The following TRIP11 variants were observed in gnomAD, a reference collection of about 807,000 sequenced individuals.
The protein encoded by TRIP11 is thyroid hormone receptor interactor 11, also known as thyroid receptor-interacting protein 11.
In TRIP11, 148 loss-of-function variants were observed where a neutral mutation model predicts 223.1. That is an observed-to-expected ratio of 0.66 (90% CI 0.58 to 0.76). The LOEUF (loss-of-function observed/expected upper bound fraction) is 0.76. Ranked by LOEUF, TRIP11 falls within the 30% of genes least tolerant of loss-of-function variation. TRIP11 has a pLI of 0.00. For missense variants in TRIP11, 2,043 were observed against 2,222.0 expected, an observed-to-expected ratio of 0.92 and a Z score of 1.62; for synonymous variants, 762 against 772.6, an observed-to-expected ratio of 0.99 and a Z score of 0.23.
chr14:92,023,917 G>A (rs1004247491), intron 3 of TRIP11, among the ~76,000 whole-genome samples: 2 of 150,890 alleles, frequency 1.3e-5, no homozygotes, highest in South Asian at 2.1e-4. Context: ...ATGCAGTGGC[G>A]TGATCTCAGC....
chr14:91,999,148 G>A, intron 13 of TRIP11, 92 bp downstream of exon 13: 2 of 1,350,848 alleles, frequency 1.5e-6, no homozygotes, highest in East Asian at 4.8e-5. Context: ...AATGAATTTT[G>A]CAAGGATGAG....
Position 91,969,889 on chromosome 14 carries a change from T to G in TRIP11, c.5724A>C (p.Thr1908=). 1.2e-6 allele frequency: 2 copies of G among 1,613,636 alleles called. No individual in the cohort carries two copies. The highest frequency in any genetic ancestry group is 1.7e-6 in the Non-Finnish European group (2 of 1,179,774). Residue 1908 remains threonine, a synonymous_variant, in exon 21 of 21, where the codon ACA becomes ACC. Coordinates refer to ENST00000267622, the MANE Select transcript of TRIP11 (RefSeq NM_004239.4). The part of the protein sequence containing the change: ...DTNAPESFKD[T]AESRSGRRTD... ...TTCTTCTACCAGACCTGGATTCTGC[T>G]GTATCTAAAGAATAAAATATGGATT...
chr14:92,026,438 GA>G (rs35375545), intron 2 of TRIP11: 2 of 641,522 alleles, frequency 3.1e-6, no homozygotes, highest in Non-Finnish European at 2.8e-6. Context: ...TGGCTGCTCT[GA>G]AAAGCCATCT....
intron 11 of TRIP11, among the ~76,000 whole-genome samples, chr14:92,001,964 CAAGACTCT>C (rs2056832736): frequency 6.6e-6 from 1 of 152,154 alleles, no homozygotes; most frequent in African/African-American, 2.4e-5. Context: ...AACTTTAATC[CAAGACTCT>C]AAGAGGGAAC....
At chr14:92,013,030 T>A (rs930459711) in intron 7 of TRIP11, among the ~76,000 whole-genome samples, 9 of 152,188 alleles carry the variant, frequency 5.9e-5, no homozygotes, top group East Asian at 1.9e-4. Flanking sequence ...GCACTTTGGG[T>A]GGCCAAGGTG....
At chr14:91,999,587 T>A (rs1422495232) in intron 12 of TRIP11, among the ~76,000 whole-genome samples, 154 bp from the exon 13 acceptor site, 1 of 152,238 alleles carries the variant, frequency 6.6e-6, no homozygotes, top group Non-Finnish European at 1.5e-5. Context: ...AAAAATTATC[T>A]TGAAATCATC....
In TRIP11 at chr14:91,987,402, C is replaced by T. The variant is rs547209625; in HGVS notation, c.5260+882G>A. On this transcript the variant is annotated intron_variant, in intron 16 of 20. Transcript: ENST00000267622. ...GTCTCCATGCGTCAGTGGTTCCTGC[C>T]GGCTTGCCTCCCTAGTGTCTAAGTC... 7.9e-4 allele frequency among the ~76,000 whole-genome samples: 121 copies of T among 152,224 alleles called. 1 individual carries two copies. The highest frequency in any genetic ancestry group is 3.4e-3 in the Middle Eastern group (1 of 294).
chr14:92,000,892 G>C (rs2056817287), intron 11 of TRIP11, among the ~76,000 whole-genome samples: 1 of 141,092 alleles, frequency 7.1e-6, no homozygotes, highest in South Asian at 2.2e-4. Context: ...ACGGAGTCTT[G>C]CTCTGTTGCC....
chr14:92,019,949 A>T (rs2057088655), intron 4 of TRIP11, among the ~76,000 whole-genome samples: 1 of 152,226 alleles, frequency 6.6e-6, no homozygotes, highest in Non-Finnish European at 1.5e-5. Context: ...TCCTCAAGAT[A>T]TCTCATTATG....
intron 14 of TRIP11, among the ~76,000 whole-genome samples, chr14:91,994,852 C>T (rs1032528459): frequency 4.6e-5 from 7 of 152,146 alleles, no homozygotes; most frequent in African/African-American, 1.7e-4. Flanking sequence ...AAAGCACCTT[C>T]CATATGGACT....
chr14:92,038,967 T>C (rs1353353932), intron 1 of TRIP11, among the ~76,000 whole-genome samples: 1 of 152,148 alleles, frequency 6.6e-6, no homozygotes, highest in Admixed American at 6.5e-5. Flanking sequence ...TGTCGAAATA[T>C]GGGCGAAATG....
At position 91,972,979 on chromosome 14, in the gene TRIP11, A is replaced by AT. The variant is rs200221534; in HGVS notation, c.5575-119dup. 955 of 867,478 alleles carry AT rather than the reference A, an allele frequency of 1.1e-3. 6 individuals carry two copies. The East Asian group carries it at 0.012, about 11-fold the overall frequency. The allele number at this position is 867,478 out of a possible 1,614,324, so 53.7% of individuals were successfully genotyped here. A position where few individuals can be genotyped will look rare whatever the true frequency, so the allele number is the denominator to read the frequency against. ...AAAAATTAATCATGCCACTTGAATAATTTTTTTTTACAAATCAGCTTTATG... is the reference window on the plus strand; with the variant it reads ...AAAAATTAATCATGCCACTTGAATAATTTTTTTTTTACAAATCAGCTTTATG... On this transcript the variant is annotated intron_variant, in intron 19 of 20. Transcript: ENST00000267622.
At chr14:91,976,626 A>C (rs987555183) in intron 16 of TRIP11, among the ~76,000 whole-genome samples, 4 of 152,146 alleles carry the variant, frequency 2.6e-5, no homozygotes, top group African/African-American at 9.7e-5. Flanking sequence ...TGAGCTGACT[A>C]AGAAGCGTAT....
In TRIP11 at chr14:92,005,276, T is replaced by C. The variant is rs2056884090; in HGVS notation, c.2700A>G (p.Gln900=). ...SVTELASEVS[Q]LNTIKEHLEE... is the part of the protein sequence containing the mutation. The stretch of plus-strand genomic sequence containing the variant: ...CAAGATGTTCCTTGATCGTGTTCAG[T>C]TGAGATACCTCAGATGCTAGTTCAG... Residue 900 remains glutamine (Q), a synonymous_variant, in exon 11 of 21, where the codon CAA becomes CAG. Coordinates refer to ENST00000267622, the MANE Select transcript of TRIP11 (RefSeq NM_004239.4). 3.1e-6 allele frequency: 5 copies of C among 1,614,128 alleles called. No homozygotes were observed. The highest frequency in any genetic ancestry group is 1.7e-5 in the Admixed American group (1 of 60,014).
intron 13 of TRIP11, among the ~76,000 whole-genome samples, chr14:91,997,744 G>A (rs528382853): frequency 6.6e-6 from 1 of 152,100 alleles, no homozygotes; most frequent in East Asian, 1.9e-4. Context: ...ATGAAATAAG[G>A]CTAAGGTGGT....
At position 92,005,557 on chromosome 14, in the gene TRIP11, T is replaced by C; in HGVS notation, c.2419A>G (p.Thr807Ala). ...ATTTCTTTCTTGTTTATAAGTTGTG[T>C]CAACTGCTTCTGCTCTTCTAAACTA... ...SSSLEEQKQL[T>A]QLINKKEIFI... Residue 807 changes from threonine (T) to alanine (A), a missense_variant, in exon 11 of 21, where the codon ACA becomes GCA. Physicochemically the swap from Thr to Ala is moderately conservative, Grantham distance 58. Transcript: ENST00000267622. 1 of 1,612,268 alleles carries C rather than the reference T, an allele frequency of 6.2e-7. No individual in the cohort carries two copies. Among genetic ancestry groups the C allele is most frequent in the Non-Finnish European group, 8.5e-7 (1 of 1,179,716 alleles).
chr14:92,006,953 C>G (rs1444859695), intron 10 of TRIP11, among the ~76,000 whole-genome samples: 1 of 152,128 alleles, frequency 6.6e-6, no homozygotes, highest in Non-Finnish European at 1.5e-5. Flanking sequence ...CAGGCATGAG[C>G]CACTGTGCCT....
intron 18 of TRIP11, 135 bp from the exon 19 acceptor site, chr14:91,974,878 A>T (rs949394451): frequency 1.0e-5 from 8 of 770,246 alleles, no homozygotes; most frequent in Non-Finnish European, 1.5e-5. Context: ...TTTCCTACTG[A>T]TAGAGTCTAC....
Position 92,004,448 on chromosome 14 carries a change from T to C in TRIP11, c.3528A>G (p.Leu1176=). The C allele has an allele frequency of 3.7e-6, 6 of 1,613,936 alleles. No homozygotes were observed. The highest frequency in any genetic ancestry group is 5.1e-6 in the Non-Finnish European group (6 of 1,180,028). The stretch of plus-strand genomic sequence containing the variant: ...CCAATAAAGTCTGACATTTCTGACT[T>C]AGTGCATCTATTTCGATGTCTTTTT... ...IREKDIEIDA[L]SQKCQTLLAV... Residue 1176 remains leucine (L), a synonymous_variant, in exon 11 of 21, where the codon CTA becomes CTG. Transcript: ENST00000267622.
Sources: gnomAD v4.1 joint callset for allele counts (sites outside exome capture counted in the v4.1 genomes callset) on GRCh38, gnomAD v4.1.1 for gene constraint, MANE v1.5 for transcripts, NCBI Gene and HGNC (gene_info 2026-07-23, HGNC 2026-07-21) for gene names.